Variants in DGKD observed in about 807,000 individuals in gnomAD.
DGKD encodes DAG kinase delta.
A neutral mutation model predicts 154.4 loss-of-function variants in DGKD; 68 were observed. The ratio of observed to expected loss-of-function variants is 0.44; its 90% CI spans 0.36 to 0.54. The LOEUF (loss-of-function observed/expected upper bound fraction) is 0.54, where lower values mean the gene tolerates loss of function less well. Ranked by LOEUF, DGKD falls within the 20% of genes least tolerant of loss-of-function variation. The pLI, the probability that DGKD is intolerant of heterozygous loss-of-function variation, is 0.00. For synonymous variants in DGKD, 693 were observed against 638.0 expected, an observed-to-expected ratio of 1.09 and a Z score of -1.30; for missense variants, 1,343 against 1,593.6, an observed-to-expected ratio of 0.84 and a Z score of 2.68.
At chr2:233,444,399 T>C (rs1002396563) in intron 10 of DGKD, among the ~76,000 whole-genome samples, 1 of 151,900 alleles carries the variant, frequency 6.6e-6, no homozygotes, top group Non-Finnish European at 1.5e-5. Flanking sequence ...AGCACGATGC[T>C]TCTGGGAAAA....
chr2:233,423,897 C>T (rs2062204029), intron 3 of DGKD, among the ~76,000 whole-genome samples: 1 of 152,176 alleles, frequency 6.6e-6, no homozygotes, highest in Non-Finnish European at 1.5e-5. Flanking sequence ...ACCCAGAGGG[C>T]CACCACAGTG....
chr2:233,388,188 C>T (rs1165776609), intron 1 of DGKD, 69 bp from the exon 2 acceptor site: 13 of 1,575,712 alleles, frequency 8.3e-6, no homozygotes, highest in Admixed American at 7.7e-5. Flanking sequence ...CAACAGGCTG[C>T]GTTTCAGCCG....
intron 3 of DGKD, among the ~76,000 whole-genome samples, chr2:233,402,618 TC>T (rs2061588003): frequency 1.3e-5 from 2 of 152,156 alleles, no homozygotes; most frequent in Admixed American, 1.3e-4. Flanking sequence ...TGGGCCAGGC[TC>T]CCCCTTTTAC....
rs145615385 is a variant in DGKD at position 233,419,555 on chromosome 2, G to A, written c.349-14825G>A. The A allele has an allele frequency of 7.1e-4, 414 of 583,466 alleles. 2 individuals are homozygous for A. In the African/African-American group the frequency reaches 7.9e-3, roughly 11 times the overall value. 36.1% of individuals were successfully genotyped at this position (583,466 alleles called of 1,614,324 possible). A position where few individuals can be genotyped will look rare whatever the true frequency, so the allele number is the denominator to read the frequency against. ...GCTCCAGAGGGTTGCTTCTTGGCTT[G>A]TATGTCTTAGAAATGGAAGGCTGGA... On this transcript the variant is annotated intron_variant, in intron 3 of 29. Coordinates refer to ENST00000264057, the MANE Select transcript of DGKD (RefSeq NM_152879.3).
At chr2:233,380,501 G>A (rs1029582286) in intron 1 of DGKD, among the ~76,000 whole-genome samples, 3 of 152,220 alleles carry the variant, frequency 2.0e-5, no homozygotes, top group Non-Finnish European at 2.9e-5. Context: ...GACTACACGT[G>A]TTCCCATATA....
chr2:233,460,253 T>C lies in DGKD; in HGVS notation c.2889T>C (p.Pro963=), dbSNP rs2063584368. 6.2e-7 allele frequency: 1 copy of C among 1,613,944 alleles called. No homozygotes were observed. The highest frequency in any genetic ancestry group is 8.5e-7 in the Non-Finnish European group (1 of 1,179,978). Residue 963 remains proline, a synonymous_variant, in exon 24 of 30, where the codon CCT becomes CCC. Transcript: ENST00000264057. ...AGCAGAAGTGCGAGCTGCCCCGCCC[T>C]CCATCCTGTTCCCTGCACCCGGAGA... is the stretch of plus-strand genomic sequence containing the variant. ...EDKQKCELPR[P]PSCSLHPEML...
chr2:233,354,544 C>A lies in DGKD; in HGVS notation c.26C>A (p.Pro9Gln). The A allele has an allele frequency of 2.0e-6, 2 of 1,005,564 alleles. No homozygotes were observed. Among genetic ancestry groups the A allele is most frequent in the Non-Finnish European group, 2.4e-6 (2 of 844,342 alleles). 62.3% of individuals were successfully genotyped at this position (1,005,564 alleles called of 1,614,324 possible). ...ATGGCGGCGGCGGCGGGCGCCCCTC[C>A]GCCGGGTCCCCCGCAACCGCCTCCG... MAAAAGAP[P>Q]PGPPQPPPPP... is the part of the protein sequence containing the mutation. The change falls in exon 1 of 30, where the codon CCG (proline) becomes CAG (glutamine). Residue 9 changes from proline to glutamine, a missense_variant. Pro to Gln is a moderately conservative substitution (Grantham distance 76). Around this residue, in one of 6 missense-constraint regions of DGKD, gnomAD observed 57 missense variants for 27.8 expected, o/e 2.05. Coordinates refer to ENST00000264057, the MANE Select transcript of DGKD (RefSeq NM_152879.3). This position sits in a 1 kb window ranked among gnomAD's most constrained non-coding sequence, Gnocchi z 4.8.
In DGKD at chr2:233,452,169, T is replaced by G; in HGVS notation, c.2264+109T>G. 2.0e-6 allele frequency: 2 copies of G among 1,024,100 alleles called. No homozygotes were observed. Among genetic ancestry groups the G allele is most frequent in the Non-Finnish European group, 3.0e-6 (2 of 668,070 alleles). 63.4% of individuals were successfully genotyped at this position (1,024,100 alleles called of 1,614,324 possible). A position where few individuals can be genotyped will look rare whatever the true frequency, so the allele number is the denominator to read the frequency against. ...AATTAGTGAGCAGTTGCCCAGCTGG[T>G]GGTAGCTGATAAGGAAGGCTGAGAA... On this transcript the variant is annotated intron_variant, in intron 18 of 29. Coordinates refer to ENST00000264057, the MANE Select transcript of DGKD (RefSeq NM_152879.3). The surrounding 1 kb of genome is among the most constrained non-coding windows in gnomAD (Gnocchi z 4.0).
rs183601136 is a variant in DGKD at position 233,458,515 on chromosome 2, A to G, written c.2694+118A>G. ...CTTTCCAGGGCCATGTGGCTGCCTCATGTCCTGTCCTGGACAGCTCGTGGC... is the reference window on the plus strand; with the variant it reads ...CTTTCCAGGGCCATGTGGCTGCCTCGTGTCCTGTCCTGGACAGCTCGTGGC... On this transcript the variant is annotated intron_variant, in intron 22 of 29. Coordinates refer to ENST00000264057, the MANE Select transcript of DGKD (RefSeq NM_152879.3). The surrounding 1 kb of genome is among the most constrained non-coding windows in gnomAD (Gnocchi z 6.6). 2,214 of 713,214 alleles carry G rather than the reference A, an allele frequency of 3.1e-3. 12 individuals are homozygous for G. Among genetic ancestry groups the G allele is most frequent in the South Asian group, 9.2e-3 (533 of 57,850 alleles). The allele number at this position is 713,214 out of a possible 1,614,324, so 44.2% of individuals were successfully genotyped here.
intron 14 of DGKD, 131 bp downstream of exon 14, chr2:233,448,506 A>G: frequency 4.0e-6 from 3 of 753,584 alleles, no homozygotes; most frequent in Non-Finnish European, 4.3e-6. Context: ...CAAAACGCAC[A>G]GTAAAGGAAG....
chr2:233,395,610 C>A (rs1249194494), intron 3 of DGKD, among the ~76,000 whole-genome samples: 2 of 135,866 alleles, frequency 1.5e-5, no homozygotes, highest in Non-Finnish European at 3.1e-5. Flanking sequence ...CCTCTCCTTT[C>A]CCCTCCCCTC....
chr2:233,449,271 G>T lies in DGKD; in HGVS notation c.1783G>T (p.Ala595Ser). 6.2e-7 allele frequency: 1 copy of T among 1,613,460 alleles called. No individual in the cohort carries two copies. Residue 595 changes from alanine to serine, a missense_variant, in exon 15 of 30, where the codon GCT becomes TCT. Ala to Ser is a moderately conservative substitution (Grantham distance 99). Coordinates refer to ENST00000264057, the MANE Select transcript of DGKD (RefSeq NM_152879.3). The surrounding 1 kb of genome is among the most constrained non-coding windows in gnomAD (Gnocchi z 5.3). ...CACCGGAGACCGCTTGGTGGCATCAGCTTGCCCGGCCCGGCCGCAGATATT... is the reference window on the plus strand; with the variant it reads ...CACCGGAGACCGCTTGGTGGCATCATCTTGCCCGGCCCGGCCGCAGATATT... ...GSTGDRLVAS[A>S]CPARPQIFRP...
At chr2:233,368,312 C>T (rs938289759) in intron 1 of DGKD, among the ~76,000 whole-genome samples, 5 of 152,034 alleles carry the variant, frequency 3.3e-5, no homozygotes, top group African/African-American at 1.2e-4. Context: ...GAGTTCGAGA[C>T]CAGCCTGGCC....
rs2063565457 is a variant in DGKD, at chr2:233,459,747, G to A, written c.2695-10G>A. 1.2e-6 allele frequency: 2 copies of A among 1,612,956 alleles called. No homozygotes were observed. Among genetic ancestry groups the A allele is most frequent in the Non-Finnish European group, 1.7e-6 (2 of 1,179,482 alleles). On this transcript the variant is annotated splice_polypyrimidine_tract_variant and intron_variant, in intron 22 of 29. Coordinates refer to ENST00000264057, the MANE Select transcript of DGKD (RefSeq NM_152879.3). This position sits in a 1 kb window ranked among gnomAD's most constrained non-coding sequence, Gnocchi z 5.7. The stretch of plus-strand genomic sequence containing the variant: ...GCTCAGCATGAGTAATGGCTATGAT[G>A]TCTGCTCAGTGTCGCACGGTGAAGA...
intron 12 of DGKD, chr2:233,447,552 T>C (rs2063124031): frequency 2.0e-6 from 2 of 985,582 alleles, no homozygotes; most frequent in African/African-American, 1.7e-5. Context: ...GAAGAGTGTG[T>C]GGGGGAAGCC....
At position 233,434,759 on chromosome 2, in the gene DGKD, G is replaced by A. The variant is rs372316084; in HGVS notation, c.454-10G>A. ...GTCTTATCTTTGCCCTCTTGGTTTC[G>A]TTCTTCCAGCCCACCCAGTACAGCA... is the stretch of plus-strand genomic sequence containing the variant. On this transcript the variant is annotated splice_polypyrimidine_tract_variant and intron_variant, in intron 4 of 29. Coordinates refer to ENST00000264057, the MANE Select transcript of DGKD (RefSeq NM_152879.3). The A allele has an allele frequency of 2.1e-5, 33 of 1,599,874 alleles. No individual in the cohort carries two copies. The highest frequency in any genetic ancestry group is 5.6e-5 in the South Asian group (5 of 89,872).
intron 1 of DGKD, among the ~76,000 whole-genome samples, chr2:233,360,687 C>T (rs1178858227): frequency 1.3e-5 from 2 of 152,166 alleles, no homozygotes; most frequent in Non-Finnish European, 1.5e-5. Context: ...CTGTGCCTGG[C>T]TAATTAAAGA....
chr2:233,441,905 G>T lies in DGKD; in HGVS notation c.1104G>T (p.Lys368Asn), dbSNP rs2062904920. The T allele has an allele frequency of 6.2e-7, 1 of 1,614,038 alleles. No homozygotes were observed. The highest frequency in any genetic ancestry group is 8.5e-7 in the Non-Finnish European group (1 of 1,179,898). ...TCTGCAGCTTACGGTTATTCCAGAAGTTTGACACATTCCGGATTCTGGTTT... is the reference window on the plus strand; with the variant it reads ...TCTGCAGCTTACGGTTATTCCAGAATTTTGACACATTCCGGATTCTGGTTT... ...GPHLGLRLFQKFDTFRILVCG... is the reference protein window; with the variant it reads ...GPHLGLRLFQNFDTFRILVCG... The change falls in exon 10 of 30, where the codon AAG (lysine) becomes AAT (asparagine). Residue 368 changes from lysine to asparagine, a missense_variant. Physicochemically the swap from Lys to Asn is moderately conservative, Grantham distance 94. This residue lies in a region of DGKD where 56 missense variants were observed against 111.1 expected (regional missense o/e 0.50). Transcript: ENST00000264057. This position sits in a 1 kb window ranked among gnomAD's most constrained non-coding sequence, Gnocchi z 5.6.
chr2:233,357,878 G>A (rs1701602411), intron 1 of DGKD, among the ~76,000 whole-genome samples: 1 of 152,178 alleles, frequency 6.6e-6, no homozygotes, highest in Non-Finnish European at 1.5e-5. Context: ...TGCTGATGCT[G>A]CTGGTCCATG....
Sources: allele counts gnomAD v4.1 joint callset (sites outside exome capture counted in the v4.1 genomes callset), GRCh38; gene constraint gnomAD v4.1.1; regional missense constraint gnomAD v4.1.1; non-coding constraint Gnocchi (gnomAD v3.1); transcripts MANE v1.5; gene names NCBI Gene and HGNC (gene_info 2026-07-23, HGNC 2026-07-21).